Variants in CDH13 observed in about 807,000 individuals in gnomAD.
CDH13 encodes cadherin-13.
Under a neutral mutation model 63.8 loss-of-function variants are expected in CDH13, and 24 were observed. The observed-to-expected ratio is 0.38, with a 90% CI of 0.27 to 0.53. The LOEUF (loss-of-function observed/expected upper bound fraction) is 0.53. Among genes scored for constraint, CDH13 ranks in the 20% least tolerant of loss-of-function variants. The pLI, the probability that CDH13 is intolerant of heterozygous loss-of-function variation, is 0.85. For synonymous variants in CDH13, 503 were observed against 355.3 expected (o/e 1.42, Z -4.67); for missense variants, 1,049 against 903.1 (o/e 1.16, Z -2.07).
At chr16:83,545,810 A>C (rs192500864) in intron 7 of CDH13, among the ~76,000 whole-genome samples, 24 of 152,278 alleles carry the variant, frequency 1.6e-4, no homozygotes, top group African/African-American at 5.8e-4. Context: ...GCATTCAAAT[A>C]ATGCCTCCTG....
chr16:83,362,215 C>G (rs960079811), intron 6 of CDH13, among the ~76,000 whole-genome samples: 12 of 152,048 alleles, frequency 7.9e-5, no homozygotes, highest in Non-Finnish European at 1.0e-4. Context: ...AGTTACATAC[C>G]CCTTCATAAA....
chr16:83,307,120 G>T (rs959410955), intron 5 of CDH13, among the ~76,000 whole-genome samples: 7 of 152,162 alleles, frequency 4.6e-5, no homozygotes, highest in African/African-American at 1.7e-4. Context: ...ACAACACAGG[G>T]TTTGCAGTCA....
chr16:82,774,506 TAGG>T (rs926599389), intron 1 of CDH13, among the ~76,000 whole-genome samples: 1 of 152,214 alleles, frequency 6.6e-6, no homozygotes, highest in African/African-American at 2.4e-5. Context: ...GTGTATTCTT[TAGG>T]AGGTTTCAAT....
intron 1 of CDH13, among the ~76,000 whole-genome samples, chr16:82,639,924 C>T (rs1309877502): frequency 6.6e-6 from 1 of 152,196 alleles, no homozygotes; most frequent in African/African-American, 2.4e-5. Context: ...CCGTGCCTAT[C>T]TGTGCATTCC....
At position 83,408,311 on chromosome 16, in the gene CDH13, TCAA is replaced by T. The variant is rs553081409; in HGVS notation, c.781+63309_781+63311del. The stretch of plus-strand genomic sequence containing the variant: ...CAAACCATATACAGTCACGTGTCAC[TCAA>T]CAATGGGTATACCTTCTGAGAAGGT... On this transcript the variant is annotated intron_variant, in intron 6 of 13. Transcript: ENST00000567109. Among the ~76,000 whole-genome samples, 1,004 of 152,262 alleles carry T rather than the reference TCAA, an allele frequency of 6.6e-3. 8 individuals carry two copies. The highest frequency in any genetic ancestry group is 0.011 in the South Asian group (53 of 4,822).
chr16:83,312,947 G>A (rs1029678885), intron 5 of CDH13, among the ~76,000 whole-genome samples: 4 of 152,152 alleles, frequency 2.6e-5, no homozygotes, highest in African/African-American at 7.2e-5. Flanking sequence ...TCCAAAGCCC[G>A]CTGTAAAGCA....
At chr16:83,319,425 A>G (rs984710590) in intron 5 of CDH13, among the ~76,000 whole-genome samples, 3 of 152,192 alleles carry the variant, frequency 2.0e-5, no homozygotes, top group Admixed American at 6.5e-5. Flanking sequence ...AGCTGCAGCT[A>G]TATCCAGTGA....
At chr16:82,759,157 T>C (rs762806489) in intron 1 of CDH13, among the ~76,000 whole-genome samples, 1 of 152,092 alleles carries the variant, frequency 6.6e-6, no homozygotes, top group Non-Finnish European at 1.5e-5. Context: ...TGTGAGACAA[T>C]TGTGAGTCAG....
chr16:82,796,818 C>G (rs2036602526), intron 1 of CDH13, among the ~76,000 whole-genome samples: 1 of 152,190 alleles, frequency 6.6e-6, no homozygotes, highest in Non-Finnish European at 1.5e-5. Flanking sequence ...ATTCAGAGAG[C>G]TTGGAGCAGC....
At chr16:83,139,007 G>T (rs543040114) in intron 4 of CDH13, among the ~76,000 whole-genome samples, 1 of 152,270 alleles carries the variant, frequency 6.6e-6, no homozygotes, top group South Asian at 2.1e-4. Context: ...ACCTGCGGAG[G>T]TGTTACTTTG....
At position 82,955,659 on chromosome 16, in the gene CDH13, C is replaced by G. The variant is rs191222363; in HGVS notation, c.158-76351C>G. Reference sequence around the variant, plus strand: ...AGGTGCTGTGAATACAGTGGGGGGACAAAAACAGATACAATTGTGTTAGAG... The same window carrying G: ...AGGTGCTGTGAATACAGTGGGGGGAGAAAAACAGATACAATTGTGTTAGAG... On this transcript the variant is annotated intron_variant, in intron 2 of 13. Transcript: ENST00000567109. Among the ~76,000 whole-genome samples, 41 of 152,168 alleles carry G rather than the reference C, an allele frequency of 2.7e-4. No individual in the cohort carries two copies. The East Asian group carries it at 4.8e-3, about 18-fold the overall frequency.
chr16:83,405,469 T>C (rs1458040898), intron 6 of CDH13, among the ~76,000 whole-genome samples: 1 of 152,116 alleles, frequency 6.6e-6, no homozygotes, highest in African/African-American at 2.4e-5. Context: ...GGCTTTGAAG[T>C]TGGAGGAAGA....
intron 8 of CDH13, among the ~76,000 whole-genome samples, chr16:83,614,322 TG>T (rs1909107868): frequency 6.6e-6 from 1 of 152,206 alleles, no homozygotes; most frequent in Non-Finnish European, 1.5e-5. Context: ...GCAGCTTTCC[TG>T]GGGTCCTAAC....
chr16:82,830,089 C>CT (rs34807454), intron 1 of CDH13, among the ~76,000 whole-genome samples: 1 of 152,070 alleles, frequency 6.6e-6, no homozygotes, highest in African/African-American at 2.4e-5. Flanking sequence ...ATTGTTACTA[C>CT]TTTTTTTTCC....
chr16:83,277,521 C>T (rs993991369), intron 5 of CDH13, among the ~76,000 whole-genome samples: 2 of 152,160 alleles, frequency 1.3e-5, no homozygotes, highest in Admixed American at 6.5e-5. Flanking sequence ...GTGAGAATCC[C>T]TGAGACTTTT....
At chr16:82,659,170 G>C (rs1200702188) in intron 1 of CDH13, among the ~76,000 whole-genome samples, 1 of 152,176 alleles carries the variant, frequency 6.6e-6, no homozygotes, top group Non-Finnish European at 1.5e-5. Context: ...TAAAGATTTA[G>C]CACCTGAGTT....
At chr16:83,304,192 A>G (rs996250802) in intron 5 of CDH13, among the ~76,000 whole-genome samples, 3 of 152,226 alleles carry the variant, frequency 2.0e-5, no homozygotes, top group Non-Finnish European at 4.4e-5. Context: ...ACCAGCCATA[A>G]GAAATGTGGG....
chr16:83,623,356 T>C (rs889807637), intron 8 of CDH13, among the ~76,000 whole-genome samples: 2 of 152,162 alleles, frequency 1.3e-5, no homozygotes, highest in Admixed American at 1.3e-4. Context: ...GCGCCTTGTT[T>C]CTCCCTGGAT....
intron 6 of CDH13, among the ~76,000 whole-genome samples, chr16:83,356,349 C>A (rs74790432): frequency 0.031 from 4,664 of 151,882 alleles, 259 homozygotes; most frequent in African/African-American, 0.11. Flanking sequence ...CCACGCAGCC[C>A]ATCCTTACTG....
Sources: gnomAD v4.1 joint callset for allele counts (sites outside exome capture counted in the v4.1 genomes callset) on GRCh38, gnomAD v4.1.1 for gene constraint, MANE v1.5 for transcripts, NCBI Gene and HGNC (gene_info 2026-07-23, HGNC 2026-07-21) for gene names.